The following PCDHA12 variants were observed in gnomAD, a reference collection of about 807,000 sequenced individuals.
PCDHA12 encodes the protein protocadherin alpha-12.
Under a neutral mutation model 60.0 loss-of-function variants are expected in PCDHA12, and 44 were observed. The ratio of observed to expected loss-of-function variants is 0.73; its 90% CI spans 0.58 to 0.94. The LOEUF (loss-of-function observed/expected upper bound fraction) is 0.94, where lower values mean the gene tolerates loss of function less well. Ranked by LOEUF, PCDHA12 falls within the 40% of genes least tolerant of loss-of-function variation. The pLI is 0.00. For synonymous variants in PCDHA12, 569 were observed against 553.0 expected, an observed-to-expected ratio of 1.03 and a Z score of -0.40; for missense variants, 1,276 against 1,239.7, an observed-to-expected ratio of 1.03 and a Z score of -0.44.
At chr5:140,891,452 TG>T (rs2063116437) in intron 1 of PCDHA12, among the ~76,000 whole-genome samples, 1 of 150,254 alleles carries the variant, frequency 6.7e-6, no homozygotes, top group Non-Finnish European at 1.5e-5. Flanking sequence ...ATAGGATTTT[TG>T]AATTTGTGAA....
chr5:140,927,688 G>T (rs2084510856), intron 1 of PCDHA12: 1 of 1,613,944 alleles, frequency 6.2e-7, no homozygotes, highest in African/African-American at 1.3e-5. Flanking sequence ...AGGGTCCAAT[G>T]GGGAAGTCCA....
chr5:140,888,533 T>C (rs2061866119), intron 1 of PCDHA12, among the ~76,000 whole-genome samples: 1 of 152,228 alleles, frequency 6.6e-6, no homozygotes, highest in South Asian at 2.1e-4. Flanking sequence ...TGAAGTTAAG[T>C]TGCTCAGTAC....
chr5:140,915,863 A>C (rs1424465325), intron 1 of PCDHA12, among the ~76,000 whole-genome samples: 1 of 152,172 alleles, frequency 6.6e-6, no homozygotes, highest in Non-Finnish European at 1.5e-5. Context: ...CCAAGTTTGC[A>C]TCCTTCCCTT....
intron 1 of PCDHA12, chr5:140,882,334 A>G: frequency 1.2e-6 from 2 of 1,614,176 alleles, no homozygotes; most frequent in Non-Finnish European, 1.7e-6. Flanking sequence ...TGATCCTCGC[A>G]GCCTGGGAGA....
In PCDHA12 at chr5:140,876,361, C is replaced by A; in HGVS notation, c.889C>A (p.Pro297Thr). The A allele has an allele frequency of 6.2e-7, 1 of 1,613,880 alleles. No individual in the cohort carries two copies. The change falls in exon 1 of 4, where the codon CCA becomes ACA. Residue 297 changes from proline to threonine, a missense_variant. By Grantham distance (38) the Pro-to-Thr change is conservative (BLOSUM62 -1). Coordinates refer to ENST00000398631, the MANE Select transcript of PCDHA12 (RefSeq NM_018903.4). ...TGAGAAATGTATGTTTTCAATAAATCCAGACACAGGTGAAATTAGAATTTA... is the reference window on the plus strand; with the variant it reads ...TGAGAAATGTATGTTTTCAATAAATACAGACACAGGTGAAATTAGAATTTA... Reference protein sequence around the residue: ...VSEKCMFSINPDTGEIRIYGE... With the variant: ...VSEKCMFSINTDTGEIRIYGE...
chr5:140,890,528 C>T (rs1329794711), intron 1 of PCDHA12, among the ~76,000 whole-genome samples: 3 of 152,060 alleles, frequency 2.0e-5, no homozygotes, highest in South Asian at 2.1e-4. Flanking sequence ...CTTTGTTGAT[C>T]TTCTTTTGAA....
chr5:140,880,822 A>T (rs893258483), intron 1 of PCDHA12, among the ~76,000 whole-genome samples: 2 of 152,206 alleles, frequency 1.3e-5, no homozygotes, highest in Non-Finnish European at 2.9e-5. Flanking sequence ...GAGTGTCTGG[A>T]AGGGCATATT....
chr5:140,889,497 A>G (rs1024054854), intron 1 of PCDHA12, among the ~76,000 whole-genome samples: 1 of 152,188 alleles, frequency 6.6e-6, no homozygotes, highest in South Asian at 2.1e-4. Flanking sequence ...ATCTATAGTG[A>G]TATTTCCCTT....
chr5:140,897,161 G>C (rs1554187213), intron 1 of PCDHA12, among the ~76,000 whole-genome samples: 1 of 151,938 alleles, frequency 6.6e-6, no homozygotes, highest in African/African-American at 2.4e-5. Flanking sequence ...TTCTTCTACT[G>C]TCTATCTCCA....
rs2098417406 is a variant in PCDHA12, at chr5:141,010,474, G to A, written c.*537G>A. Reference sequence around the variant, plus strand: ...CGGAAGTTATCAGTATGGAGGGGAAGTGTAAACTTAAAGGGACCAGACTTT... The same window carrying A: ...CGGAAGTTATCAGTATGGAGGGGAAATGTAAACTTAAAGGGACCAGACTTT... On this transcript the variant is annotated 3_prime_UTR_variant, in exon 4 of 4. Transcript: ENST00000398631. The A allele has an allele frequency of 3.9e-6, 3 of 760,382 alleles. No individual in the cohort carries two copies. The highest frequency in any genetic ancestry group is 3.2e-5 in the Admixed American group (1 of 31,594). The allele number at this position is 760,382 out of a possible 1,614,324, so 47.1% of individuals were successfully genotyped here.
chr5:140,947,194 G>A (rs2094102779), intron 1 of PCDHA12, among the ~76,000 whole-genome samples: 1 of 151,018 alleles, frequency 6.6e-6, no homozygotes, highest in Admixed American at 6.6e-5. Context: ...ATACTACACA[G>A]CCTTAAAAAA....
At chr5:140,937,906 C>T (rs1235683629) in intron 1 of PCDHA12, among the ~76,000 whole-genome samples, 6 of 130,108 alleles carry the variant, frequency 4.6e-5, no homozygotes, top group African/African-American at 6.4e-5. Context: ...AGTGAGACTC[C>T]GTCTCAAAAA....
chr5:140,985,739 CTTTTT>C (rs11372071), intron 3 of PCDHA12, among the ~76,000 whole-genome samples: 1 of 117,916 alleles, frequency 8.5e-6, no homozygotes, highest in Non-Finnish European at 1.7e-5. Context: ...TGATGAATTC[CTTTTT>C]TTTTTTTTTT....
intron 1 of PCDHA12, among the ~76,000 whole-genome samples, chr5:140,934,787 C>A (rs1383149637): frequency 6.6e-6 from 1 of 152,096 alleles, no homozygotes; most frequent in African/African-American, 2.4e-5. Context: ...CAATCCATGT[C>A]AATTATCTTT....
intron 3 of PCDHA12, among the ~76,000 whole-genome samples, chr5:141,006,369 G>A (rs2098270445): frequency 1.3e-5 from 2 of 151,784 alleles, no homozygotes; most frequent in Admixed American, 6.6e-5. Context: ...CCACCACCAC[G>A]CCCGGCTAAG....
intron 3 of PCDHA12, among the ~76,000 whole-genome samples, chr5:141,007,036 A>G (rs1018909399): frequency 4.6e-5 from 7 of 152,200 alleles, no homozygotes; most frequent in African/African-American, 1.4e-4. Context: ...ATTTATATCT[A>G]TGGATATGGC....
At position 140,876,135 on chromosome 5, in the gene PCDHA12, A is replaced by T. The variant is rs782217370; in HGVS notation, c.663A>T (p.Glu221Asp). 2 of 1,613,954 alleles carry T rather than the reference A, an allele frequency of 1.2e-6. No individual in the cohort carries two copies. Among genetic ancestry groups the T allele is most frequent in the Admixed American group, 3.3e-5 (2 of 60,034 alleles). Reference sequence around the variant, plus strand: ...TGGTAATCGATGGCGGTAAACCAGAACTAACAGGGTCTGTCCAGATTCAAA... The same window carrying T: ...TGGTAATCGATGGCGGTAAACCAGATCTAACAGGGTCTGTCCAGATTCAAA... Reference protein sequence around the residue: ...LLMVIDGGKPELTGSVQIQIT... With the variant: ...LLMVIDGGKPDLTGSVQIQIT... The change falls in exon 1 of 4, where the codon GAA (glutamate) becomes GAT (aspartate). Residue 221 changes from glutamate to aspartate, a missense_variant. By Grantham distance (45) the Glu-to-Asp change is conservative. Coordinates refer to ENST00000398631, the MANE Select transcript of PCDHA12 (RefSeq NM_018903.4).
intron 1 of PCDHA12, chr5:140,883,026 A>C (rs1562783010): frequency 6.2e-7 from 1 of 1,614,190 alleles, no homozygotes; most frequent in Non-Finnish European, 8.5e-7. Context: ...ACGGTGTTAG[A>C]GAACGCCTTC....
At chr5:140,944,880 C>T (rs1275494519) in intron 1 of PCDHA12, among the ~76,000 whole-genome samples, 1 of 152,150 alleles carries the variant, frequency 6.6e-6, no homozygotes, top group Non-Finnish European at 1.5e-5. Flanking sequence ...ACCTACTCCA[C>T]TGTACAGTTC....
Sources: gnomAD v4.1 joint callset for allele counts (sites outside exome capture counted in the v4.1 genomes callset) on GRCh38, gnomAD v4.1.1 for gene constraint, MANE v1.5 for transcripts, NCBI Gene and HGNC (gene_info 2026-07-23, HGNC 2026-07-21) for gene names.